ZNF723: variants seen among roughly 807,000 people sequenced by gnomAD.
ZNF723 encodes zinc finger protein 723, also known as zinc finger protein 723, pseudogene.
Under a neutral mutation model 9.4 loss-of-function variants are expected in ZNF723, and 5 were observed. That is an observed-to-expected ratio of 0.53 (90% confidence interval 0.28 to 1.12). ZNF723 has a LOEUF of 1.12. Among genes scored for constraint, ZNF723 ranks in the 50% most tolerant of loss-of-function variants. The pLI is 0.10. For synonymous variants in ZNF723, 158 were observed against 168.8 expected (o/e 0.94, Z 0.49); for missense variants, 450 against 501.5 (o/e 0.90, Z 0.98).
At chr19:22,827,437 T>G (rs77038872), upstream of ZNF723, among the ~76,000 whole-genome samples, 724 of 127,254 alleles carry the variant, frequency 5.7e-3, 6 homozygotes, top group African/African-American at 0.019. Flanking sequence ...TTTTTTTTTT[T>G]GTTTTTTTGT....
At chr19:22,828,569 C>T (rs543269848), upstream of ZNF723, among the ~76,000 whole-genome samples, 197 of 152,234 alleles carry the variant, frequency 1.3e-3, no homozygotes, top group African/African-American at 4.3e-3. Context: ...AAGAGAATCG[C>T]TTGAACCCAG....
At chr19:22,854,054 AG>A (rs1223006641) in intron 3 of ZNF723, among the ~76,000 whole-genome samples, 1 of 152,102 alleles carries the variant, frequency 6.6e-6, no homozygotes, top group African/African-American at 2.4e-5. Context: ...TATTACAGAA[AG>A]TGGCGTATTA....
Position 22,858,140 on chromosome 19 carries a change from A to T in ZNF723, c.1249A>T (p.Ile417Leu). 1 of 1,434,024 alleles carries T rather than the reference A, an allele frequency of 7.0e-7. No individual in the cohort carries two copies. The highest frequency in any genetic ancestry group is 9.8e-7 in the Non-Finnish European group (1 of 1,017,500). The allele number at this position is 1,434,024 out of a possible 1,614,324, so 88.8% of individuals were successfully genotyped here. Reference sequence around the variant, plus strand: ...ATCCTCAGCCCTTACTACACATAAGATAATTCATACTGGAGAAAGACCTTA... The same window carrying T: ...ATCCTCAGCCCTTACTACACATAAGTTAATTCATACTGGAGAAAGACCTTA... ...NQSSALTTHK[I>L]IHTGERPYKC... The change falls in exon 4 of 4, where the codon ATA (isoleucine) becomes TTA (leucine). Residue 417 changes from isoleucine to leucine, a missense_variant. By Grantham distance (5) the Ile-to-Leu change is conservative. Around this residue, in one of 5 missense-constraint regions of ZNF723, gnomAD observed 237 missense variants for 332.2 expected, o/e 0.71. Coordinates refer to ENST00000600766, the MANE Select transcript of ZNF723 (RefSeq NM_001349726.2).
At chr19:22,848,223 T>C (rs1000170077) in intron 1 of ZNF723, 38 bp from the exon 2 acceptor site, 1 of 746,678 alleles carries the variant, frequency 1.3e-6, no homozygotes, top group African/African-American at 1.8e-5. Flanking sequence ...GGCCACCCGG[T>C]AAATATGTGT....
chr19:22,830,973 G>A (rs938076552), upstream of ZNF723, among the ~76,000 whole-genome samples: 6 of 151,992 alleles, frequency 3.9e-5, no homozygotes, highest in African/African-American at 1.2e-4. Flanking sequence ...ATGTTGGCCA[G>A]GCTGGTCTTG....
intron 1 of ZNF723, among the ~76,000 whole-genome samples, chr19:22,847,088 A>G (rs1580308): frequency 0.92 from 137,324 of 148,508 alleles, 63,745 homozygotes; most frequent in African/African-American, 0.97. Flanking sequence ...TTTTATTATT[A>G]TTTTTGAGAC....
chr19:22,850,634 G>T (rs1478653075), intron 3 of ZNF723, among the ~76,000 whole-genome samples: 1 of 152,012 alleles, frequency 6.6e-6, no homozygotes, highest in Non-Finnish European at 1.5e-5. Context: ...CAGTAGCTGG[G>T]ATTATAGGCA....
At chr19:22,833,397 C>T (rs1599469864) in intron 1 of ZNF723, among the ~76,000 whole-genome samples, 3 of 152,112 alleles carry the variant, frequency 2.0e-5, no homozygotes. Flanking sequence ...GTGATCCGCC[C>T]GCCTCGGCCT....
chr19:22,828,957 G>C (rs139901316), upstream of ZNF723, among the ~76,000 whole-genome samples: 224 of 152,214 alleles, frequency 1.5e-3, no homozygotes, highest in Non-Finnish European at 2.6e-3. Context: ...TGGATCACTT[G>C]AGGTCAGGAG....
At chr19:22,846,813 C>CTTTTT (rs760924027) in intron 1 of ZNF723, among the ~76,000 whole-genome samples, 10 of 69,132 alleles carry the variant, frequency 1.4e-4, no homozygotes, top group African/African-American at 1.8e-4. Context: ...CTATAATTTC[C>CTTTTT]TTTTTTTTTT....
intron 3 of ZNF723, among the ~76,000 whole-genome samples, chr19:22,852,174 T>G (rs779143528): frequency 6.6e-6 from 1 of 152,180 alleles, no homozygotes; most frequent in Non-Finnish European, 1.5e-5. Context: ...TCTTTTATAG[T>G]CTTCTTTTAA....
intron 1 of ZNF723, among the ~76,000 whole-genome samples, chr19:22,844,854 G>T (rs1028763367): frequency 6.6e-6 from 1 of 152,214 alleles, no homozygotes; most frequent in Non-Finnish European, 1.5e-5. Context: ...CGGCGTGGTG[G>T]CTCATGCCTG....
chr19:22,813,343 T>C, the ZNF723 span, among the ~76,000 whole-genome samples: 8 of 152,166 alleles, frequency 5.3e-5, no homozygotes, highest in Non-Finnish European at 1.0e-4. Context: ...TAGATGCAAG[T>C]GTGACATATG....
Position 22,832,292 on chromosome 19 carries a change from T to A in ZNF723, c.-88T>A. On this transcript the variant is annotated 5_prime_UTR_variant, in exon 1 of 4. Transcript: ENST00000600766. ...GCGGCTTCCGGGATTTGGCGCGGCC[T>A]TTTGAGTTCCTGGTCTCTGTGGCCT... is the stretch of plus-strand genomic sequence containing the variant. The A allele has an allele frequency of 1.6e-6, 2 of 1,254,682 alleles. No individual in the cohort carries two copies. The highest frequency in any genetic ancestry group is 2.2e-6 in the Non-Finnish European group (2 of 893,684). 77.7% of individuals were successfully genotyped at this position (1,254,682 alleles called of 1,614,324 possible). A position where few individuals can be genotyped will look rare whatever the true frequency, so the allele number is the denominator to read the frequency against.
At chr19:22,837,672 C>T (rs1037157459) in intron 1 of ZNF723, among the ~76,000 whole-genome samples, 4 of 152,132 alleles carry the variant, frequency 2.6e-5, no homozygotes, top group Non-Finnish European at 5.9e-5. Flanking sequence ...GTTCTGATGA[C>T]AGACCCCATT....
the ZNF723 span, among the ~76,000 whole-genome samples, chr19:22,821,245 C>T: frequency 6.6e-6 from 1 of 152,108 alleles, no homozygotes; most frequent in Non-Finnish European, 1.5e-5. Flanking sequence ...TGACATATAC[C>T]TTGGTCCAGC....
chr19:22,853,331 C>G (rs1291643432), intron 3 of ZNF723, among the ~76,000 whole-genome samples: 1 of 151,868 alleles, frequency 6.6e-6, no homozygotes, highest in African/African-American at 2.4e-5. Flanking sequence ...TTTGCTATTG[C>G]TGTTTACATT....
At position 22,857,184 on chromosome 19, in the gene ZNF723, T is replaced by G. The variant is rs748560672; in HGVS notation, c.293T>G (p.Val98Gly). ...EQGIKDSFQK[V>G]ILRSYGKYGH... ...GGCATAAAAGATTCTTTCCAAAAAG[T>G]AATACTGAGAAGCTATGGAAAATAT... Residue 98 changes from valine (V) to glycine (G), a missense_variant, in exon 4 of 4, where the codon GTA (valine) becomes GGA (glycine). By Grantham distance (109) the Val-to-Gly change is moderately radical (BLOSUM62 -3). Coordinates refer to ENST00000600766, the MANE Select transcript of ZNF723 (RefSeq NM_001349726.2). 2 of 969,514 alleles carry G rather than the reference T, an allele frequency of 2.1e-6. No homozygotes were observed. The highest frequency in any genetic ancestry group is 3.2e-6 in the Non-Finnish European group (2 of 627,108). The allele number at this position is 969,514 out of a possible 1,614,324, so 60.1% of individuals were successfully genotyped here. A position where few individuals can be genotyped will look rare whatever the true frequency, so the allele number is the denominator to read the frequency against.
At chr19:22,823,670 C>T in the ZNF723 span, among the ~76,000 whole-genome samples, 6 of 152,162 alleles carry the variant, frequency 3.9e-5, no homozygotes, top group African/African-American at 4.8e-5. Context: ...TTTTAGTTTC[C>T]TGCCTGAGCC....
Sources: allele counts gnomAD v4.1 joint callset (sites outside exome capture counted in the v4.1 genomes callset), GRCh38; gene constraint gnomAD v4.1.1; regional missense constraint gnomAD v4.1.1; transcripts MANE v1.5; gene names NCBI Gene and HGNC (gene_info 2026-07-23, HGNC 2026-07-21).